UNC13B: variants seen among roughly 807,000 people sequenced by gnomAD.
UNC13B encodes unc-13 homolog B.
In UNC13B, 144 loss-of-function variants were observed where a neutral mutation model predicts 211.0. The ratio of observed to expected loss-of-function variants is 0.68; its 90% confidence interval spans 0.60 to 0.78. UNC13B has a LOEUF of 0.78. Among genes scored for constraint, UNC13B ranks in the 30% least tolerant of loss-of-function variants. The pLI is 0.00. For synonymous variants in UNC13B, 709 were observed against 725.8 expected, an observed-to-expected ratio of 0.98 and a Z score of 0.37; for missense variants, 1,777 against 2,002.0, an observed-to-expected ratio of 0.89 and a Z score of 2.14.
At chr9:35,397,446 C>A in intron 29 of UNC13B, 136 bp downstream of exon 29, 1 of 1,420,460 alleles carries the variant, frequency 7.0e-7, no homozygotes, top group Non-Finnish European at 9.6e-7. Context: ...TTGCTGGTTT[C>A]TGGGGCAGAC....
rs1370997379 is a variant in UNC13B, at chr9:35,389,942, G to T, written c.11191G>T (p.Asp3731Tyr). The stretch of plus-strand genomic sequence containing the variant: ...ACTCATCGTGTCAATCATAGAGGAA[G>T]ATAAGAATTCCTACACACCTGTTCT... ...ITLIVSIIEE[D>Y]KNSYTPVLNQ... is the part of the protein sequence containing the mutation. The change falls in exon 25 of 40, where the codon GAT (aspartate) becomes TAT (tyrosine). Residue 3731 changes from aspartate (D) to tyrosine (Y), a missense_variant. Coordinates refer to ENST00000635942, the MANE Select transcript of UNC13B (RefSeq NM_001371189.2). The T allele has an allele frequency of 2.5e-6, 4 of 1,614,016 alleles. No homozygotes were observed. In the African/African-American group the frequency reaches 5.3e-5, roughly 22 times the overall value.
At chr9:35,357,582 T>A (rs1032414155) in intron 11 of UNC13B, among the ~76,000 whole-genome samples, 2 of 151,240 alleles carry the variant, frequency 1.3e-5, no homozygotes, top group African/African-American at 4.8e-5. Context: ...TTTATTGTTT[T>A]TTTTTTTTTT....
chr9:35,364,886 T>G (rs1387340555), intron 11 of UNC13B, among the ~76,000 whole-genome samples: 2 of 152,230 alleles, frequency 1.3e-5, no homozygotes, highest in Non-Finnish European at 2.9e-5. Flanking sequence ...ATTACCCTCC[T>G]TTTCTCCTAC....
intron 1 of UNC13B, among the ~76,000 whole-genome samples, chr9:35,201,231 G>A (rs574101814): frequency 3.3e-5 from 5 of 152,196 alleles, no homozygotes; most frequent in East Asian, 3.9e-4. Context: ...TGCTGGATTC[G>A]GTTTGCCAGT....
chr9:35,163,389 T>G (rs1383277519), intron 1 of UNC13B, among the ~76,000 whole-genome samples: 1 of 152,258 alleles, frequency 6.6e-6, no homozygotes, highest in African/African-American at 2.4e-5. Flanking sequence ...TGCTTTGCTC[T>G]GTTCTCTTCC....
intron 7 of UNC13B, among the ~76,000 whole-genome samples, chr9:35,287,291 C>G (rs1828854451): frequency 1.3e-5 from 2 of 152,054 alleles, no homozygotes; most frequent in African/African-American, 4.8e-5. Context: ...CATCGCCATG[C>G]CTGGCTAATT....
intron 7 of UNC13B, among the ~76,000 whole-genome samples, chr9:35,292,896 A>C (rs751529636): frequency 2.6e-5 from 4 of 152,218 alleles, no homozygotes; most frequent in Non-Finnish European, 5.9e-5. Context: ...CGTCTAGCCG[A>C]CATGGTGCTG....
chr9:35,377,253 A>G (rs1355654391), intron 15 of UNC13B, among the ~76,000 whole-genome samples: 1 of 152,252 alleles, frequency 6.6e-6, no homozygotes, highest in African/African-American at 2.4e-5. Context: ...CTCTGAAAAG[A>G]CTGCCTGAAG....
chr9:35,363,539 G>A (rs1462613258), intron 11 of UNC13B, among the ~76,000 whole-genome samples: 8 of 152,170 alleles, frequency 5.3e-5, no homozygotes, highest in Non-Finnish European at 1.2e-4. Flanking sequence ...GACCCATTAA[G>A]TAAGCAGAAA....
chr9:35,224,992 TA>T (rs200746214), intron 1 of UNC13B, among the ~76,000 whole-genome samples: 7,397 of 142,884 alleles, frequency 0.052, 404 homozygotes, highest in East Asian at 0.3. Context: ...CCCTTCATCA[TA>T]AAAAAAAAAA....
chr9:35,337,663 T>C (rs893630374), intron 11 of UNC13B, among the ~76,000 whole-genome samples: 2 of 152,238 alleles, frequency 1.3e-5, no homozygotes, highest in Non-Finnish European at 1.5e-5. Context: ...TTTGAATATT[T>C]GGAGAATCCT....
Position 35,162,314 on chromosome 9 carries a change from G to C in UNC13B, c.22+9G>C. On this transcript the variant is annotated intron_variant, in intron 1 of 39. Coordinates refer to ENST00000635942, the MANE Select transcript of UNC13B (RefSeq NM_001371189.2). ...ACTGCTCTGCGTGCGCGGTGAGTGC[G>C]CGGACTGAGGCGGGGAGGCGGGGTG... is the stretch of plus-strand genomic sequence containing the variant. 1 of 1,539,746 alleles carries C rather than the reference G, an allele frequency of 6.5e-7. No homozygotes were observed. The highest frequency in any genetic ancestry group is 8.7e-7 in the Non-Finnish European group (1 of 1,147,218).
At chr9:35,381,245 A>G in intron 19 of UNC13B, 30 bp downstream of exon 19, 1 of 1,589,528 alleles carries the variant, frequency 6.3e-7, no homozygotes, top group Non-Finnish European at 8.6e-7. Flanking sequence ...GTGGGGGATC[A>G]GAAAGCAGTG....
chr9:35,327,824 G>A (rs747118074), intron 11 of UNC13B, among the ~76,000 whole-genome samples: 3 of 152,150 alleles, frequency 2.0e-5, no homozygotes, highest in Non-Finnish European at 4.4e-5. Context: ...GCCAGCTCAT[G>A]TAGCATCCTG....
At chr9:35,193,236 T>A (rs1209323988) in intron 1 of UNC13B, among the ~76,000 whole-genome samples, 1 of 152,216 alleles carries the variant, frequency 6.6e-6, no homozygotes, top group Non-Finnish European at 1.5e-5. Flanking sequence ...CTCTATATCC[T>A]GCTATTACAG....
chr9:35,381,165 G>T lies in UNC13B; in HGVS notation c.10441G>T (p.Gly3481Trp). 6.2e-7 allele frequency: 1 copy of T among 1,614,138 alleles called. No individual in the cohort carries two copies. The highest frequency in any genetic ancestry group is 8.5e-7 in the Non-Finnish European group (1 of 1,180,000). The change falls in exon 19 of 40, where the codon GGG (glycine) becomes TGG (tryptophan). Residue 3481 changes from glycine to tryptophan, a missense_variant. By Grantham distance (184) the Gly-to-Trp change is radical. Coordinates refer to ENST00000635942, the MANE Select transcript of UNC13B (RefSeq NM_001371189.2). ...ACTACAAATCAGTGTGGAGATCAAG[G>T]GGGAGGAGAAAGTAGCCCCATACCA... ...IRLQISVEIK[G>W]EEKVAPYHVQ...
chr9:35,312,807 G>A (rs1830244085), intron 10 of UNC13B, among the ~76,000 whole-genome samples: 1 of 152,134 alleles, frequency 6.6e-6, no homozygotes, highest in South Asian at 2.1e-4. Flanking sequence ...TCTAATGCAG[G>A]GTAGTGTTTC....
At chr9:35,174,673 G>A (rs548509864) in intron 1 of UNC13B, among the ~76,000 whole-genome samples, 8 of 151,256 alleles carry the variant, frequency 5.3e-5, no homozygotes, top group South Asian at 2.1e-4. Context: ...TCAGCCTCCC[G>A]AGTAGCTGGG....
intron 37 of UNC13B, chr9:35,402,143 G>C: frequency 1.3e-6 from 1 of 753,298 alleles, no homozygotes; most frequent in Non-Finnish European, 2.2e-6. Context: ...TCTTAGAGAT[G>C]GGTAATGCCT....
Sources: allele counts gnomAD v4.1 joint callset (sites outside exome capture counted in the v4.1 genomes callset), GRCh38; gene constraint gnomAD v4.1.1; transcripts MANE v1.5; gene names NCBI Gene and HGNC (gene_info 2026-07-23, HGNC 2026-07-21).